Variants in CFAP20DC observed in about 807,000 individuals in gnomAD.
CFAP20DC encodes the protein protein CFAP20DC.
Under a neutral mutation model 101.7 loss-of-function variants are expected in CFAP20DC, and 84 were observed. The ratio of observed to expected loss-of-function variants is 0.83; its 90% CI spans 0.69 to 0.99. The LOEUF is 0.99. Ranked by LOEUF, CFAP20DC falls within the 50% of genes least tolerant of loss-of-function variation. The pLI is 0.00. For synonymous variants in CFAP20DC, 359 were observed against 351.2 expected (o/e 1.02, Z -0.25); for missense variants, 1,007 against 970.3 (o/e 1.04, Z -0.50).
chr3:58,834,132 G>T (rs2076579839), intron 13 of CFAP20DC, among the ~76,000 whole-genome samples: 1 of 152,142 alleles, frequency 6.6e-6, no homozygotes, highest in African/African-American at 2.4e-5. Flanking sequence ...GATGGTTACA[G>T]AATCTTGTGA....
chr3:58,976,053 A>G (rs2092259621), intron 4 of CFAP20DC, among the ~76,000 whole-genome samples: 1 of 152,202 alleles, frequency 6.6e-6, no homozygotes, highest in Non-Finnish European at 1.5e-5. Context: ...GCAGGGGTCT[A>G]TTCGCTTTTG....
chr3:58,948,176 C>A (rs2089609191), intron 4 of CFAP20DC, among the ~76,000 whole-genome samples: 2 of 152,198 alleles, frequency 1.3e-5, no homozygotes, highest in Non-Finnish European at 2.9e-5. Flanking sequence ...AGTGGACTGC[C>A]ACAATGACAA....
chr3:58,916,215 T>C (rs1172135881), intron 5 of CFAP20DC, among the ~76,000 whole-genome samples: 1 of 152,068 alleles, frequency 6.6e-6, no homozygotes, highest in Non-Finnish European at 1.5e-5. Flanking sequence ...CTGAGTTTGG[T>C]TTTGAGCAAC....
chr3:58,890,429 C>A (rs1349086974), intron 6 of CFAP20DC, among the ~76,000 whole-genome samples: 1 of 116,400 alleles, frequency 8.6e-6, no homozygotes, highest in Non-Finnish European at 1.8e-5. Context: ...GCTGGCCGGG[C>A]GGGGGGGCTG....
chr3:58,991,467 C>T lies in CFAP20DC; in HGVS notation c.278+48090G>A, dbSNP rs79076554. ...TCCCCTCAAATAATATACTTGACTT[C>T]GATTACCTTCATGGTCTATATTTGC... On this transcript the variant is annotated intron_variant, in intron 4 of 16. Coordinates refer to ENST00000482387, the MANE Select transcript of CFAP20DC (RefSeq NM_001394063.1). Among the ~76,000 whole-genome samples the T allele has an allele frequency of 6.0e-4, 92 of 152,274 alleles. 2 individuals carry two copies. The East Asian group carries it at 0.015, about 24-fold the overall frequency.
intron 5 of CFAP20DC, among the ~76,000 whole-genome samples, chr3:58,928,493 C>T (rs1262841493): frequency 6.6e-6 from 1 of 152,142 alleles, no homozygotes; most frequent in Non-Finnish European, 1.5e-5. Flanking sequence ...CAGGTAACTG[C>T]ATTTTATAGA....
chr3:58,816,337 C>A (rs1016040506), intron 14 of CFAP20DC, among the ~76,000 whole-genome samples: 2 of 152,126 alleles, frequency 1.3e-5, no homozygotes, highest in Non-Finnish European at 2.9e-5. Flanking sequence ...CCAGAGTGAG[C>A]GACGCAGAAG....
chr3:58,829,059 C>T (rs558221620), intron 14 of CFAP20DC, among the ~76,000 whole-genome samples: 1 of 152,156 alleles, frequency 6.6e-6, no homozygotes, highest in Non-Finnish European at 1.5e-5. Flanking sequence ...ACAGGCCGGG[C>T]ATGGTGGCTC....
At chr3:58,951,124 GA>G (rs2090054124) in intron 4 of CFAP20DC, among the ~76,000 whole-genome samples, 1 of 152,176 alleles carries the variant, frequency 6.6e-6, no homozygotes, top group African/African-American at 2.4e-5. Flanking sequence ...CTCAAAAGAA[GA>G]CATTTATGCA....
intron 7 of CFAP20DC, among the ~76,000 whole-genome samples, chr3:58,879,297 C>T (rs1418495940): frequency 1.3e-5 from 2 of 151,972 alleles, no homozygotes; most frequent in African/African-American, 4.8e-5. Context: ...TCATGTTGTA[C>T]CCCATAAATT....
intron 13 of CFAP20DC, among the ~76,000 whole-genome samples, chr3:58,836,937 A>G (rs2108116797): frequency 6.6e-6 from 1 of 152,260 alleles, no homozygotes; most frequent in South Asian, 2.1e-4. Context: ...AGCTTCATAA[A>G]GGATGGAGGA....
chr3:59,018,738 A>C (rs1432141899), intron 4 of CFAP20DC: 1 of 152,160 alleles, frequency 6.6e-6, no homozygotes, highest in Non-Finnish European at 1.5e-5. Flanking sequence ...TGGATCAAAA[A>C]CATAATTGCT....
intron 4 of CFAP20DC, among the ~76,000 whole-genome samples, chr3:58,977,933 G>A (rs919312076): frequency 1.1e-4 from 17 of 152,128 alleles, no homozygotes; most frequent in African/African-American, 3.9e-4. Flanking sequence ...AAGAGGAGAG[G>A]AACCTGTCAC....
chr3:58,717,486 C>A lies in CFAP20DC; in HGVS notation c.*102G>T. Reference sequence around the variant, plus strand: ...TTATTCTTCTCATGTGAAATGTGTTCTGGAAACTGTAGTTCAGGATGAGTA... The same window carrying A: ...TTATTCTTCTCATGTGAAATGTGTTATGGAAACTGTAGTTCAGGATGAGTA... On this transcript the variant is annotated 3_prime_UTR_variant, in exon 4 of 4. Coordinates refer to the CFAP20DC transcript ENST00000486145. The surrounding 1 kb of genome is among the most constrained non-coding windows in gnomAD (Gnocchi z 4.1). 1 of 337,708 alleles carries A rather than the reference C, an allele frequency of 3.0e-6. No individual in the cohort carries two copies. The highest frequency in any genetic ancestry group is 2.3e-5 in the South Asian group (1 of 44,018). 20.9% of individuals were successfully genotyped at this position (337,708 alleles called of 1,614,324 possible). A position where few individuals can be genotyped will look rare whatever the true frequency, so the allele number is the denominator to read the frequency against.
At chr3:58,833,257 C>T (rs990237769) in intron 13 of CFAP20DC, among the ~76,000 whole-genome samples, 21 of 152,134 alleles carry the variant, frequency 1.4e-4, no homozygotes, top group Non-Finnish European at 1.9e-4. Context: ...CCTTATAGTT[C>T]ATGGCACAAG....
At chr3:59,024,834 C>T (rs998716479) in intron 4 of CFAP20DC, among the ~76,000 whole-genome samples, 3 of 152,040 alleles carry the variant, frequency 2.0e-5, no homozygotes, top group Non-Finnish European at 4.4e-5. Context: ...AGAACCAAAC[C>T]AGAGGAGACA....
At position 59,040,730 on chromosome 3, in the gene CFAP20DC, C is replaced by T. The variant is rs535109413; in HGVS notation, c.206-1101G>A. ...TAAAGAACTTCTGGTATATGATTCC[C>T]ATTTTGCAACATTCCTGAACAACTT... On this transcript the variant is annotated intron_variant, in intron 3 of 16. Transcript: ENST00000482387. 2.6e-4 allele frequency among the ~76,000 whole-genome samples: 39 copies of T among 152,144 alleles called. 2 individuals are homozygous for T. In the South Asian group the frequency reaches 7.9e-3, roughly 31 times the overall value.
At chr3:59,039,458 G>T in intron 4 of CFAP20DC, 99 bp downstream of exon 4, 1 of 687,870 alleles carries the variant, frequency 1.5e-6, no homozygotes, top group Non-Finnish European at 2.4e-6. Context: ...GCTCTTTAAT[G>T]CAAAAACTGT....
Position 58,746,974 on chromosome 3 carries a change from C to T in CFAP20DC, c.2333-4402G>A, listed in dbSNP as rs540014026. ...GGGAAATGTTTTGAAAGGTAATTAT[C>T]GTGGATGGGTATGGGGTAATTTTCA... On this transcript the variant is annotated intron_variant, in intron 16 of 16. Transcript: ENST00000482387. 7.2e-5 allele frequency among the ~76,000 whole-genome samples: 11 copies of T among 152,162 alleles called. No homozygotes were observed. The South Asian group carries it at 1.9e-3, about 26-fold the overall frequency.
Sources: gnomAD v4.1 joint callset for allele counts (sites outside exome capture counted in the v4.1 genomes callset) on GRCh38, gnomAD v4.1.1 for gene constraint, Gnocchi (gnomAD v3.1) non-coding constraint, MANE v1.5 for transcripts, NCBI Gene and HGNC (gene_info 2026-07-23, HGNC 2026-07-21) for gene names.